Variants in KCNMA1 observed in about 807,000 individuals in gnomAD.
KCNMA1 encodes the protein potassium calcium-activated channel subfamily M alpha 1.
In KCNMA1, 29 loss-of-function variants were observed where a neutral mutation model predicts 140.0. The observed-to-expected ratio is 0.21, with a 90% confidence interval of 0.15 to 0.28. The LOEUF is 0.28. Among genes scored for constraint, KCNMA1 ranks in the 10% least tolerant of loss-of-function variants. The pLI is 1.00. For synonymous variants in KCNMA1, 612 were observed against 611.9 expected (o/e 1.00, Z 0.00); for missense variants, 880 against 1,602.2 (o/e 0.55, Z 7.70).
At chr10:76,976,594 A>C (rs1165103916) in intron 19 of KCNMA1, among the ~76,000 whole-genome samples, 1 of 151,966 alleles carries the variant, frequency 6.6e-6, no homozygotes. Context: ...CCAATCTCAA[A>C]CTATGTTCTG....
chr10:77,471,561 C>T (rs111068383), intron 1 of KCNMA1, among the ~76,000 whole-genome samples: 26,905 of 150,232 alleles, frequency 0.18, 2,758 homozygotes, highest in African/African-American at 0.28. Context: ...CCATACACTG[C>T]ACACACTCCA....
intron 2 of KCNMA1, among the ~76,000 whole-genome samples, chr10:77,374,687 C>A (rs1003060437): frequency 3.3e-5 from 5 of 152,180 alleles, no homozygotes; most frequent in African/African-American, 1.2e-4. Flanking sequence ...CTTGCTGATG[C>A]CTTGGTCTTT....
At chr10:77,461,331 AC>A (rs1406442750) in intron 1 of KCNMA1, among the ~76,000 whole-genome samples, 2 of 149,550 alleles carry the variant, frequency 1.3e-5, no homozygotes, top group Non-Finnish European at 3.0e-5. Flanking sequence ...CCCTTGCCCC[AC>A]CCTGCTATTT....
intron 1 of KCNMA1, among the ~76,000 whole-genome samples, chr10:77,443,191 C>G (rs1207262171): frequency 6.6e-6 from 1 of 152,144 alleles, no homozygotes; most frequent in Non-Finnish European, 1.5e-5. Flanking sequence ...GCTGTCCCTC[C>G]CAGGGGCCTA....
chr10:77,285,970 G>A (rs564378531), intron 2 of KCNMA1, among the ~76,000 whole-genome samples: 7 of 152,314 alleles, frequency 4.6e-5, no homozygotes, highest in African/African-American at 1.7e-4. Flanking sequence ...ATGTTTACAA[G>A]ATGAAGGAGG....
At chr10:77,344,481 T>C (rs1023218165) in intron 2 of KCNMA1, among the ~76,000 whole-genome samples, 2 of 152,196 alleles carry the variant, frequency 1.3e-5, no homozygotes, top group African/African-American at 4.8e-5. Context: ...GAAATAATTA[T>C]CTTGAAGCTT....
downstream of KCNMA1, among the ~76,000 whole-genome samples, chr10:76,881,048 G>T (rs2034452829): frequency 6.7e-6 from 1 of 148,464 alleles, no homozygotes; most frequent in African/African-American, 2.5e-5. Context: ...CTGTGGCTGG[G>T]AGGGGGCTAG....
At chr10:77,165,519 G>A (rs1183762986) in intron 5 of KCNMA1, among the ~76,000 whole-genome samples, 12 of 152,166 alleles carry the variant, frequency 7.9e-5, no homozygotes, top group Admixed American at 7.2e-4. Context: ...TCAAAAGACC[G>A]AAGGAAAATA....
At chr10:77,208,643 C>T (rs2044983037) in intron 3 of KCNMA1, among the ~76,000 whole-genome samples, 1 of 152,188 alleles carries the variant, frequency 6.6e-6, no homozygotes, top group Non-Finnish European at 1.5e-5. Flanking sequence ...TACTGTCCAT[C>T]TTATGGGATT....
chr10:77,211,723 A>G (rs1187548533), intron 3 of KCNMA1, among the ~76,000 whole-genome samples: 1 of 152,136 alleles, frequency 6.6e-6, no homozygotes, highest in Non-Finnish European at 1.5e-5. Context: ...AGGTCTAATA[A>G]CTAGGATCTA....
chr10:77,229,714 T>C (rs2052892873), intron 3 of KCNMA1, among the ~76,000 whole-genome samples: 1 of 152,116 alleles, frequency 6.6e-6, no homozygotes, highest in Admixed American at 6.5e-5. Flanking sequence ...AGGTGGAGCA[T>C]ACTCCCTGAG....
chr10:77,335,133 C>T (rs2154369975), intron 2 of KCNMA1, among the ~76,000 whole-genome samples: 3 of 152,240 alleles, frequency 2.0e-5, no homozygotes, highest in Admixed American at 2.0e-4. Context: ...CCTCCTTTTC[C>T]TGCTCTTTCC....
rs556266231 is a variant in KCNMA1, at chr10:77,459,748, C to T, written c.379-55725G>A. Among the ~76,000 whole-genome samples, 5 of 152,340 alleles carry T rather than the reference C, an allele frequency of 3.3e-5. No individual in the cohort carries two copies. In the South Asian group the frequency reaches 1.0e-3, roughly 32 times the overall value. ...CCAGGGGCCCGCTCTTGGCATAGCACAGTGGCCAGAACACAGACTCTCTGG... is the reference window on the plus strand; with the variant it reads ...CCAGGGGCCCGCTCTTGGCATAGCATAGTGGCCAGAACACAGACTCTCTGG... On this transcript the variant is annotated intron_variant, in intron 1 of 27. Transcript: ENST00000286628.
At chr10:77,223,023 T>G (rs2050174183) in intron 3 of KCNMA1, among the ~76,000 whole-genome samples, 1 of 151,810 alleles carries the variant, frequency 6.6e-6, no homozygotes, top group African/African-American at 2.4e-5. Flanking sequence ...AGGTCAGGAG[T>G]TCGAGACCAG....
intron 17 of KCNMA1, among the ~76,000 whole-genome samples, 179 bp downstream of exon 17, chr10:77,018,834 T>C (rs2092493402): frequency 6.6e-6 from 1 of 152,126 alleles, no homozygotes; most frequent in African/African-American, 2.4e-5. Context: ...ATTTTATTAT[T>C]CTCATTCAAA....
intron 3 of KCNMA1, among the ~76,000 whole-genome samples, chr10:77,249,086 C>A (rs1428759778): frequency 6.6e-6 from 1 of 152,202 alleles, no homozygotes; most frequent in Non-Finnish European, 1.5e-5. Flanking sequence ...GATGAGGCTA[C>A]GACAGTCCTC....
intron 19 of KCNMA1, among the ~76,000 whole-genome samples, chr10:76,990,717 T>C (rs1005748663): frequency 1.3e-5 from 2 of 152,228 alleles, no homozygotes; most frequent in Admixed American, 1.3e-4. Context: ...GAAGCATCCC[T>C]GCTGGATATG....
intron 16 of KCNMA1, 106 bp downstream of exon 16, chr10:77,027,717 C>T (rs1683698022): frequency 5.5e-6 from 5 of 914,180 alleles, no homozygotes; most frequent in Admixed American, 5.1e-5. Context: ...CATCTGGTTC[C>T]ATGCAGATAA....
In KCNMA1 at chr10:77,214,961, T is replaced by C. The variant is rs1273132233; in HGVS notation, c.603-30045A>G. On this transcript the variant is annotated intron_variant, in intron 3 of 27. Coordinates refer to ENST00000286628, the MANE Select transcript of KCNMA1 (RefSeq NM_001161352.2). Reference sequence around the variant, plus strand: ...TCACAGGCATTCAAAGTCATCTTTGTAATTTCCAAATGTAATATGATTCCT... The same window carrying C: ...TCACAGGCATTCAAAGTCATCTTTGCAATTTCCAAATGTAATATGATTCCT... 2.6e-5 allele frequency among the ~76,000 whole-genome samples: 4 copies of C among 152,218 alleles called. No individual in the cohort carries two copies. In the East Asian group the frequency reaches 7.7e-4, roughly 29 times the overall value.
Sources: allele counts gnomAD v4.1 joint callset (sites outside exome capture counted in the v4.1 genomes callset), GRCh38; gene constraint gnomAD v4.1.1; transcripts MANE v1.5; gene names NCBI Gene and HGNC (gene_info 2026-07-23, HGNC 2026-07-21).